CDC45: variants seen among roughly 807,000 people sequenced by gnomAD.
CDC45 encodes cell division cycle 45.
A neutral mutation model predicts 77.8 loss-of-function variants in CDC45; 54 were observed. The ratio of observed to expected loss-of-function variants is 0.69; its 90% CI spans 0.56 to 0.87. CDC45 has a LOEUF of 0.87. CDC45 is among the 40% of genes least tolerant of loss of function. The pLI is 0.00. For synonymous variants in CDC45, 260 were observed against 272.1 expected, an observed-to-expected ratio of 0.96 and a Z score of 0.44; for missense variants, 649 against 721.6, an observed-to-expected ratio of 0.90 and a Z score of 1.15.
chr22:19,487,311 A>AG (rs1491303676), intron 5 of CDC45, among the ~76,000 whole-genome samples: 1 of 149,826 alleles, frequency 6.7e-6, no homozygotes, highest in East Asian at 2.0e-4. Flanking sequence ...AAAAAAAAAA[A>AG]GAAATATTTA....
At chr22:19,483,769 T>G in intron 4 of CDC45, 93 bp from the exon 5 acceptor site, 1 of 1,219,010 alleles carries the variant, frequency 8.2e-7, no homozygotes, top group Middle Eastern at 2.5e-4. Context: ...CTGAGTCAGC[T>G]TATTAGGAAA....
chr22:19,504,852 A>G (rs541542724), intron 9 of CDC45, among the ~76,000 whole-genome samples: 8 of 152,268 alleles, frequency 5.3e-5, no homozygotes, highest in South Asian at 2.1e-4. Context: ...GGGAACTACA[A>G]TCTTGTGACA....
chr22:19,516,462 C>T (rs1933792664), intron 15 of CDC45, 65 bp from the exon 16 acceptor site: 12 of 1,350,990 alleles, frequency 8.9e-6, no homozygotes, highest in South Asian at 1.2e-5. Context: ...CTGTTGGGCT[C>T]TGGGCTCTGA....
chr22:19,516,877 C>T lies in CDC45; in HGVS notation c.1620C>T (p.Asn540=), dbSNP rs759598501. Residue 540 remains asparagine, a synonymous_variant, in exon 17 of 19, where the codon AAC becomes AAT. Coordinates refer to ENST00000263201, the MANE Select transcript of CDC45 (RefSeq NM_003504.5). ...GCACCAGCTCCCGGATGCTGCACAA[C>T]CATTTTGACCTCTCAGGTGAGAGTC... is the stretch of plus-strand genomic sequence containing the variant. ...AESTSSRMLH[N]HFDLSVIELK... 3.7e-6 allele frequency: 6 copies of T among 1,613,914 alleles called. No homozygotes were observed. The highest frequency in any genetic ancestry group is 1.3e-5 in the African/African-American group (1 of 75,038).
At chr22:19,484,882 T>G (rs963015002) in intron 5 of CDC45, among the ~76,000 whole-genome samples, 6 of 152,180 alleles carry the variant, frequency 3.9e-5, no homozygotes, top group African/African-American at 1.4e-4. Context: ...TGTTATATTT[T>G]CTTACCTCTT....
In CDC45 at chr22:19,494,366, G is replaced by A. The variant is rs776510033; in HGVS notation, c.526G>A (p.Glu176Lys). ...EQTMRRRQRR[E>K]WEARRRDILF... The stretch of plus-strand genomic sequence containing the variant: ...AACCATGCGGAGGAGGCAGCGGCGA[G>A]AGTGGGAGGCCCGGAGGTGAGTCTG... The change falls in exon 6 of 19, where the codon GAG becomes AAG. Residue 176 changes from glutamate (E) to lysine (K), a missense_variant. Glu to Lys is a moderately conservative substitution (Grantham distance 56). Transcript: ENST00000263201. 1 of 1,613,508 alleles carries A rather than the reference G, an allele frequency of 6.2e-7. No individual in the cohort carries two copies. Among genetic ancestry groups the A allele is most frequent in the Non-Finnish European group, 8.5e-7 (1 of 1,180,002 alleles).
At chr22:19,513,128 C>T (rs868845867) in intron 13 of CDC45, among the ~76,000 whole-genome samples, 1 of 152,196 alleles carries the variant, frequency 6.6e-6, no homozygotes, top group African/African-American at 2.4e-5. Context: ...TCCCACTAGA[C>T]CCCACCTCGA....
In CDC45 at chr22:19,481,027, T is replaced by A. The variant is rs2089972336; in HGVS notation, c.186T>A (p.Phe62Leu). 3 of 1,612,760 alleles carry A rather than the reference T, an allele frequency of 1.9e-6. No homozygotes were observed. Among genetic ancestry groups the A allele is most frequent in the Non-Finnish European group, 1.7e-6 (2 of 1,178,778 alleles). ...VSGWQELETAFLEHKEQFHYF... is the reference protein window; with the variant it reads ...VSGWQELETALLEHKEQFHYF... ...GGTGGCAAGAACTTGAAACTGCATTTCTTGAGCATAAAGAACAGGTATTGA... is the reference window on the plus strand; with the variant it reads ...GGTGGCAAGAACTTGAAACTGCATTACTTGAGCATAAAGAACAGGTATTGA... The change falls in exon 3 of 19, where the codon TTT becomes TTA. Residue 62 changes from phenylalanine to leucine, a missense_variant. By Grantham distance (22) the Phe-to-Leu change is conservative. Coordinates refer to ENST00000263201, the MANE Select transcript of CDC45 (RefSeq NM_003504.5).
At chr22:19,492,928 GGGTTCTCCCACCATT>G (rs1281309273) in intron 5 of CDC45, among the ~76,000 whole-genome samples, 6 of 152,290 alleles carry the variant, frequency 3.9e-5, no homozygotes, top group East Asian at 3.9e-4. Flanking sequence ...GTGGAAGTCT[GGGTTCTCCCACCATT>G]GGTTCTCCCA....
chr22:19,498,376 C>T (rs973070199), intron 8 of CDC45, among the ~76,000 whole-genome samples: 25 of 152,232 alleles, frequency 1.6e-4, no homozygotes, highest in Non-Finnish European at 2.4e-4. Context: ...TCCTGGCACA[C>T]GGTGGCAAAA....
In CDC45 at chr22:19,482,794, A is replaced by ACACACAATGTC; in HGVS notation, c.309_310insCACACAATGTC (p.Val104HisfsTer61). On this transcript the variant is annotated frameshift_variant, in exon 4 of 19. Transcript: ENST00000263201. LOFTEE classifies it high-confidence loss of function. ...TCTTTGTGTGTGACACCCATAGGCCAGTCAATGTCGTCAATGTATACAACG... is the reference window on the plus strand; with the variant it reads ...TCTTTGTGTGTGACACCCATAGGCCACACACAATGTCGTCAATGTCGTCAATGTATACAACG... The ACACACAATGTC allele has an allele frequency of 1.9e-6, 3 of 1,614,070 alleles. No homozygotes were observed. The highest frequency in any genetic ancestry group is 1.7e-6 in the Non-Finnish European group (2 of 1,179,892).
intron 5 of CDC45, among the ~76,000 whole-genome samples, chr22:19,490,830 T>C (rs2090142867): frequency 7.1e-6 from 1 of 141,746 alleles, no homozygotes; most frequent in Non-Finnish European, 1.6e-5. Context: ...CCTTATCTTC[T>C]TTTTTTTTTT....
chr22:19,502,329 C>G (rs534424089), intron 9 of CDC45, among the ~76,000 whole-genome samples: 40 of 152,062 alleles, frequency 2.6e-4, no homozygotes, highest in Non-Finnish European at 5.7e-4. Context: ...TTTATTTTAC[C>G]AATAATTTTA....
chr22:19,509,747 C>A (rs1290481669), intron 13 of CDC45, among the ~76,000 whole-genome samples: 2 of 152,142 alleles, frequency 1.3e-5, no homozygotes, highest in East Asian at 3.9e-4. Context: ...GAGGAGGAGG[C>A]ATGATTCAGA....
At chr22:19,490,269 T>TA (rs1289446154) in intron 5 of CDC45, among the ~76,000 whole-genome samples, 16 of 152,238 alleles carry the variant, frequency 1.1e-4, no homozygotes, top group African/African-American at 3.9e-4. Context: ...TTAGCTTACT[T>TA]ACATTTATTT....
At chr22:19,508,340 C>T (rs1933322188) in intron 12 of CDC45, among the ~76,000 whole-genome samples, 190 bp from the exon 13 acceptor site, 1 of 152,226 alleles carries the variant, frequency 6.6e-6, no homozygotes, top group Admixed American at 6.5e-5. Context: ...GACAAGAAGG[C>T]ACCCGGCCAC....
At position 19,505,027 on chromosome 22, in the gene CDC45, T is replaced by G. The variant is rs8140666; in HGVS notation, c.705-335T>G. On this transcript the variant is annotated intron_variant, in intron 9 of 18. Coordinates refer to ENST00000263201, the MANE Select transcript of CDC45 (RefSeq NM_003504.5). The stretch of plus-strand genomic sequence containing the variant: ...TTTTGTAAAGTTTATAGGGAACATT[T>G]CACCCACTCTGCTGTGGATCCCTGT... The G allele has an allele frequency of 0.087, 26,447 of 302,870 alleles. 4,148 individuals carry two copies. The highest frequency in any genetic ancestry group is 0.41 in the African/African-American group (19,013 of 46,114). 18.8% of individuals were successfully genotyped at this position (302,870 alleles called of 1,614,324 possible).
At chr22:19,489,544 T>G (rs2090123479) in intron 5 of CDC45, among the ~76,000 whole-genome samples, 1 of 152,218 alleles carries the variant, frequency 6.6e-6, no homozygotes. Flanking sequence ...TTCTTGGAGA[T>G]TCATCCATGT....
At chr22:19,508,360 C>T (rs995006374) in intron 12 of CDC45, among the ~76,000 whole-genome samples, 170 bp from the exon 13 acceptor site, 1 of 152,236 alleles carries the variant, frequency 6.6e-6, no homozygotes, top group Admixed American at 6.5e-5. Context: ...CTCTGGGCTG[C>T]AGGGCTGGTA....
Sources: allele counts gnomAD v4.1 joint callset (sites outside exome capture counted in the v4.1 genomes callset), GRCh38; gene constraint gnomAD v4.1.1; transcripts MANE v1.5; gene names NCBI Gene and HGNC (gene_info 2026-07-23, HGNC 2026-07-21).